The following FOXP1 variants were observed in gnomAD, a reference collection of about 807,000 sequenced individuals.
FOXP1 encodes the protein forkhead box P1.
A neutral mutation model predicts 98.2 loss-of-function variants in FOXP1; 15 were observed. The ratio of observed to expected loss-of-function variants is 0.15; its 90% CI spans 0.10 to 0.24. The LOEUF (loss-of-function observed/expected upper bound fraction) is 0.24. Ranked by LOEUF, FOXP1 falls within the 10% of genes least tolerant of loss-of-function variation. FOXP1 has a pLI of 1.00. For missense variants in FOXP1, 633 were observed against 848.5 expected (o/e 0.75, Z 3.15); for synonymous variants, 371 against 314.5 (o/e 1.18, Z -1.90).
chr3:71,534,198 T>C (rs1384291598), intron 2 of FOXP1, among the ~76,000 whole-genome samples: 1 of 152,156 alleles, frequency 6.6e-6, no homozygotes, highest in Non-Finnish European at 1.5e-5. Flanking sequence ...ACCCTGTCTC[T>C]ACTAAAAATA....
intron 6 of FOXP1, among the ~76,000 whole-genome samples, chr3:71,162,662 AG>A (rs1168623166): frequency 6.6e-6 from 1 of 152,220 alleles, no homozygotes; most frequent in African/African-American, 2.4e-5. Context: ...AAACTTAGAC[AG>A]GGGCAGGTGT....
chr3:71,189,262 C>T (rs765094086), intron 6 of FOXP1, among the ~76,000 whole-genome samples: 3 of 152,176 alleles, frequency 2.0e-5, no homozygotes, highest in Non-Finnish European at 4.4e-5. Flanking sequence ...AAGACTTTAT[C>T]AAAGATCTAA....
intron 3 of FOXP1, among the ~76,000 whole-genome samples, chr3:71,463,918 G>A (rs1358978606): frequency 6.6e-6 from 1 of 152,090 alleles, no homozygotes; most frequent in African/African-American, 2.4e-5. Context: ...ATTGAGAGGT[G>A]GCATCAAATA....
At chr3:71,399,807 T>C (rs1008025725) in intron 3 of FOXP1, among the ~76,000 whole-genome samples, 12 of 152,336 alleles carry the variant, frequency 7.9e-5, no homozygotes, top group African/African-American at 2.9e-4. Flanking sequence ...TCTGCACCTC[T>C]TACAAACCTT....
intron 6 of FOXP1, among the ~76,000 whole-genome samples, chr3:71,126,603 C>T (rs948038048): frequency 1.3e-5 from 2 of 152,034 alleles, no homozygotes; most frequent in African/African-American, 2.4e-5. Context: ...GCAGGGAGAC[C>T]GCTTGAGCCC....
chr3:71,329,004 C>A (rs1169224433), intron 4 of FOXP1, among the ~76,000 whole-genome samples: 75 of 95,770 alleles, frequency 7.8e-4, no homozygotes, highest in South Asian at 1.9e-3. Context: ...AAAAAAAAAA[C>A]TGACAGTTTC....
intron 3 of FOXP1, among the ~76,000 whole-genome samples, chr3:71,411,278 C>CGTGTGTGTGTGTGTGTGTGT (rs58267668): frequency 7.1e-6 from 1 of 141,684 alleles, no homozygotes; most frequent in Non-Finnish European, 1.5e-5. Flanking sequence ...GCTGAATGGG[C>CGTGTGTGTGTGTGTGTGTGT]GTGTGTGTGT....
intron 6 of FOXP1, among the ~76,000 whole-genome samples, chr3:71,187,007 T>C (rs572185072): frequency 1.3e-5 from 2 of 152,250 alleles, no homozygotes; most frequent in African/African-American, 2.4e-5. Context: ...CAAGCGGGTG[T>C]GGCTGTGTTT....
At chr3:71,205,792 A>G (rs2063992112) in intron 5 of FOXP1, among the ~76,000 whole-genome samples, 1 of 152,238 alleles carries the variant, frequency 6.6e-6, no homozygotes, top group Non-Finnish European at 1.5e-5. Flanking sequence ...ATTTGAATGC[A>G]TCTGACATGG....
rs536437966 is a variant in FOXP1, at chr3:71,064,202, T to C, written c.283-10429A>G. ...GGGGCTCTGTGCCTCTCCCTCCCCC[T>C]TTACTGTGTGTGAACTCGTCGAATT... On this transcript the variant is annotated intron_variant, in intron 7 of 20. Coordinates refer to ENST00000649528, the MANE Select transcript of FOXP1 (RefSeq NM_001349338.3). Among the ~76,000 whole-genome samples, 5 of 152,236 alleles carry C rather than the reference T, an allele frequency of 3.3e-5. No individual in the cohort carries two copies. The South Asian group carries it at 1.0e-3, about 32-fold the overall frequency.
intron 5 of FOXP1, among the ~76,000 whole-genome samples, chr3:71,262,775 T>C (rs2069283561): frequency 6.6e-6 from 1 of 152,200 alleles, no homozygotes; most frequent in Non-Finnish European, 1.5e-5. Context: ...TTTTTAAAAA[T>C]GACACTTGGG....
chr3:71,386,070 T>C (rs2080547590), intron 3 of FOXP1, among the ~76,000 whole-genome samples: 2 of 152,166 alleles, frequency 1.3e-5, no homozygotes, highest in African/African-American at 4.8e-5. Context: ...ATCATCTGTC[T>C]TTCACACCAA....
At position 71,528,358 on chromosome 3, in the gene FOXP1, C is replaced by T. The variant is rs6775153; in HGVS notation, c.-297-34803G>A. Among the ~76,000 whole-genome samples the T allele has an allele frequency of 3.8e-3, 582 of 152,326 alleles. 2 individuals are homozygous for T. The highest frequency in any genetic ancestry group is 0.013 in the African/African-American group (530 of 41,570). On this transcript the variant is annotated intron_variant, in intron 2 of 20. Coordinates refer to ENST00000649528, the MANE Select transcript of FOXP1 (RefSeq NM_001349338.3). ...TCCAAAGAGAATGTGAAATGCATAG[C>T]AAAACAGGCACTTAACTAATTTTAA...
chr3:71,552,630 T>C (rs983232602), intron 2 of FOXP1, among the ~76,000 whole-genome samples: 4 of 151,996 alleles, frequency 2.6e-5, no homozygotes, highest in Non-Finnish European at 5.9e-5. Flanking sequence ...ATAGGGACTA[T>C]GAAATATTTG....
At chr3:71,175,915 C>G (rs2061915873) in intron 6 of FOXP1, among the ~76,000 whole-genome samples, 1 of 152,156 alleles carries the variant, frequency 6.6e-6, no homozygotes, top group Non-Finnish European at 1.5e-5. Context: ...CACAGGAACA[C>G]AAAATACCAC....
intron 13 of FOXP1, among the ~76,000 whole-genome samples, chr3:70,997,699 G>A (rs745630724): frequency 7.4e-4 from 113 of 152,210 alleles, no homozygotes; most frequent in Non-Finnish European, 1.2e-3. Context: ...CCAATGAATG[G>A]ACAGTCGCAC....
chr3:71,409,772 G>A (rs2082597307), intron 3 of FOXP1, among the ~76,000 whole-genome samples: 2 of 152,152 alleles, frequency 1.3e-5, no homozygotes, highest in African/African-American at 4.8e-5. Context: ...CCAGCACTTT[G>A]GGAGGCTGAG....
At chr3:71,413,895 T>C (rs1437960770) in intron 3 of FOXP1, among the ~76,000 whole-genome samples, 1 of 152,132 alleles carries the variant, frequency 6.6e-6, no homozygotes, top group East Asian at 1.9e-4. Flanking sequence ...ATTTAAGCCA[T>C]CAACATTTAT....
At chr3:71,449,818 A>C (rs912676469) in intron 3 of FOXP1, among the ~76,000 whole-genome samples, 11 of 152,218 alleles carry the variant, frequency 7.2e-5, no homozygotes, top group Non-Finnish European at 1.5e-5. Context: ...TTGTTTCATT[A>C]GATAAATATT....
Sources: gnomAD v4.1 joint callset for allele counts (sites outside exome capture counted in the v4.1 genomes callset) on GRCh38, gnomAD v4.1.1 for gene constraint, MANE v1.5 for transcripts, NCBI Gene and HGNC (gene_info 2026-07-23, HGNC 2026-07-21) for gene names.